H2AZ2: variants seen among roughly 807,000 people sequenced by gnomAD.
H2AZ2 encodes histone H2A.V.
In H2AZ2, 5 loss-of-function variants were observed where a neutral mutation model predicts 15.5. The ratio of observed to expected loss-of-function variants is 0.32; its 90% CI spans 0.17 to 0.68. The LOEUF (loss-of-function observed/expected upper bound fraction) is 0.68. Among genes scored for constraint, H2AZ2 ranks in the 30% least tolerant of loss-of-function variants. The pLI, the probability that H2AZ2 is intolerant of heterozygous loss-of-function variation, is 0.72. For synonymous variants in H2AZ2, 44 were observed against 57.4 expected (o/e 0.77, Z 1.05); for missense variants, 42 against 162.5 (o/e 0.26, Z 4.03).
rs1310824124 is a variant in H2AZ2, at chr7:44,832,872, C to T, written c.*1629G>A. Among the ~76,000 whole-genome samples, 1 of 152,056 alleles carries T rather than the reference C, an allele frequency of 6.6e-6. No individual in the cohort carries two copies. Among genetic ancestry groups the T allele is most frequent in the Non-Finnish European group, 1.5e-5 (1 of 68,018 alleles). ...GGCTGAGGTAAGAGGATTGCTTGGG[C>T]CTGAGAGGTGGAGGCTGCAGTGAGC... On this transcript the variant is annotated 3_prime_UTR_variant, in exon 5 of 5. Coordinates refer to ENST00000308153, the MANE Select transcript of H2AZ2 (RefSeq NM_012412.5).
At chr7:44,841,256 C>T (rs1462049371) in intron 2 of H2AZ2, among the ~76,000 whole-genome samples, 2 of 152,162 alleles carry the variant, frequency 1.3e-5, no homozygotes, top group Admixed American at 6.5e-5. Context: ...CCACGCTGGG[C>T]TGTCATCAAC....
chr7:44,842,237 T>C (rs1269727973), intron 2 of H2AZ2, among the ~76,000 whole-genome samples: 1 of 152,150 alleles, frequency 6.6e-6, no homozygotes, highest in Non-Finnish European at 1.5e-5. Context: ...TCCTCAGCCT[T>C]TTCTTAAAGT....
At position 44,835,510 on chromosome 7, in the gene H2AZ2, C is replaced by A. The variant is rs370195845; in HGVS notation, c.325+19G>T. 2.0e-5 allele frequency: 32 copies of A among 1,607,982 alleles called. No homozygotes were observed. The highest frequency in any genetic ancestry group is 2.6e-5 in the Non-Finnish European group (31 of 1,176,300). Reference sequence around the variant, plus strand: ...TCAGAAAGACCAATAAGAATCAAGGCTTAAGTAGTAATACATACCACCCCC... The same window carrying A: ...TCAGAAAGACCAATAAGAATCAAGGATTAAGTAGTAATACATACCACCCCC... On this transcript the variant is annotated intron_variant, in intron 4 of 4. Coordinates refer to ENST00000308153, the MANE Select transcript of H2AZ2 (RefSeq NM_012412.5).
chr7:44,836,599 C>T (rs946646096), intron 3 of H2AZ2, among the ~76,000 whole-genome samples: 2 of 152,038 alleles, frequency 1.3e-5, no homozygotes, highest in Non-Finnish European at 2.9e-5. Flanking sequence ...ATCACTGCAA[C>T]CACCACCTCC....
chr7:44,834,781 T>C (rs1793076902), intron 4 of H2AZ2: 3 of 326,646 alleles, frequency 9.2e-6, no homozygotes, highest in Non-Finnish European at 5.6e-6. Flanking sequence ...AGAGTAACCA[T>C]AGCTTTTTTT....
chr7:44,840,947 G>A lies in H2AZ2; in HGVS notation c.147C>T (p.Ala49=). 1 of 1,614,140 alleles carries A rather than the reference G, an allele frequency of 6.2e-7. No homozygotes were observed. The highest frequency in any genetic ancestry group is 8.5e-7 in the Non-Finnish European group (1 of 1,180,012). The part of the protein sequence containing the change: ...TRTTSHGRVG[A]TAAVYSAAIL... The stretch of plus-strand genomic sequence containing the variant: ...TCGCAGCACTGTACACGGCAGCAGT[G>A]GCACCCACCCTTCCATGGCTTGTGG... Residue 49 remains alanine (A), a synonymous_variant, in exon 3 of 5, where the codon GCC becomes GCT. Coordinates refer to ENST00000308153, the MANE Select transcript of H2AZ2 (RefSeq NM_012412.5).
In H2AZ2 at chr7:44,832,347, C is replaced by G. The variant is rs1036563686; in HGVS notation, c.*2154G>C. On this transcript the variant is annotated 3_prime_UTR_variant, in exon 5 of 5. Transcript: ENST00000308153. The stretch of plus-strand genomic sequence containing the variant: ...TTATATTTGAATGTCTCTGATCACA[C>G]AGACATGAAAATACTATGCCTGTTA... 6.6e-6 allele frequency among the ~76,000 whole-genome samples: 1 copy of G among 152,058 alleles called. No homozygotes were observed. The highest frequency in any genetic ancestry group is 2.4e-5 in the African/African-American group (1 of 41,394).
Position 44,833,311 on chromosome 7 carries a change from C to A in H2AZ2, c.*1190G>T, listed in dbSNP as rs910777617. On this transcript the variant is annotated 3_prime_UTR_variant, in exon 5 of 5. Transcript: ENST00000308153. ...GCAGTGGCGCCATCTTGGCTCACTG[C>A]AAGCTCCGCCTCCCGGGTTCACGTC... 6.6e-6 allele frequency among the ~76,000 whole-genome samples: 1 copy of A among 152,154 alleles called. No individual in the cohort carries two copies. Among genetic ancestry groups the A allele is most frequent in the Non-Finnish European group, 1.5e-5 (1 of 68,032 alleles).
chr7:44,831,530 T>TC (rs368361059), downstream of H2AZ2, among the ~76,000 whole-genome samples: 2,556 of 148,516 alleles, frequency 0.017, 31 homozygotes, highest in Non-Finnish European at 0.023. Flanking sequence ...TATATTGCAC[T>TC]CCCCCCCCCG....
downstream of H2AZ2, chr7:44,827,759 T>C (rs1017695889): frequency 6.6e-6 from 1 of 151,942 alleles, no homozygotes; most frequent in Non-Finnish European, 1.5e-5. Flanking sequence ...ATTTAGGGAG[T>C]TGACCCCTTT....
chr7:44,827,398 G>A (rs1792940347), downstream of H2AZ2: 1 of 152,154 alleles, frequency 6.6e-6, no homozygotes, highest in Non-Finnish European at 1.5e-5. Flanking sequence ...AGGAATAAAG[G>A]ACTCCTCGTG....
At chr7:44,840,817 TCAAA>T in intron 3 of H2AZ2, 78 bp downstream of exon 3, 1 of 897,158 alleles carries the variant, frequency 1.1e-6, no homozygotes, top group Admixed American at 2.6e-5. Context: ...ATGTCTTTTT[TCAAA>T]TATATTCCAT....
intron 4 of H2AZ2, 39 bp downstream of exon 4, chr7:44,835,490 A>G (rs1316444555): frequency 6.4e-7 from 1 of 1,573,054 alleles, no homozygotes; most frequent in Admixed American, 1.7e-5. Context: ...ATTAGTCAGA[A>G]AGACCAATAA....
In H2AZ2 at chr7:44,833,747, G is replaced by T; in HGVS notation, c.*754C>A. 1 of 931,386 alleles carries T rather than the reference G, an allele frequency of 1.1e-6. No homozygotes were observed. Among genetic ancestry groups the T allele is most frequent in the Non-Finnish European group, 1.3e-6 (1 of 780,598 alleles). 57.7% of individuals were successfully genotyped at this position (931,386 alleles called of 1,614,324 possible). On this transcript the variant is annotated 3_prime_UTR_variant, in exon 5 of 5. Coordinates refer to ENST00000308153, the MANE Select transcript of H2AZ2 (RefSeq NM_012412.5). ...TCTGGAGTCAGCCAGATCTAGGTTTGAATCCTAGCTCTGTCATTTTCTATC... is the reference window on the plus strand; with the variant it reads ...TCTGGAGTCAGCCAGATCTAGGTTTTAATCCTAGCTCTGTCATTTTCTATC...
At chr7:44,830,327 G>A (rs1792982675), downstream of H2AZ2, among the ~76,000 whole-genome samples, 1 of 152,086 alleles carries the variant, frequency 6.6e-6, no homozygotes, top group Non-Finnish European at 1.5e-5. Flanking sequence ...GAACTTTTTT[G>A]CATGTTTGAA....
At position 44,835,566 on chromosome 7, in the gene H2AZ2, C is replaced by T. The variant is rs372593032; in HGVS notation, c.288G>A (p.Glu96=). The T allele has an allele frequency of 6.2e-7, 1 of 1,613,822 alleles. No individual in the cohort carries two copies. Among genetic ancestry groups the T allele is most frequent in the African/African-American group, 1.3e-5 (1 of 74,902 alleles). ...HLQLAIRGDE[E]LDSLIKATIA... is the part of the protein sequence containing the mutation. ...TGGTAGCCTTGATAAGAGAATCCAA[C>T]TCTTCATCACCACGGATTGCAAGCT... is the stretch of plus-strand genomic sequence containing the variant. Residue 96 remains glutamate (E), a synonymous_variant, in exon 4 of 5, where the codon GAG becomes GAA. Coordinates refer to ENST00000308153, the MANE Select transcript of H2AZ2 (RefSeq NM_012412.5).
At position 44,843,267 on chromosome 7, in the gene H2AZ2, G is replaced by A. The variant is rs762900591; in HGVS notation, c.81+10C>T. ...AAAATAATAATGTAATGACAGCATG[G>A]ATTCATTACCTGTAGCCCAGCTCTC... On this transcript the variant is annotated intron_variant, in intron 2 of 4. Transcript: ENST00000308153. 18 of 1,562,230 alleles carry A rather than the reference G, an allele frequency of 1.2e-5. No individual in the cohort carries two copies. The Admixed American group carries it at 1.5e-4, about 13-fold the overall frequency.
At chr7:44,847,202 T>C (rs763346622) in intron 1 of H2AZ2, among the ~76,000 whole-genome samples, 1 of 152,214 alleles carries the variant, frequency 6.6e-6, no homozygotes, top group Non-Finnish European at 1.5e-5. Context: ...ACTCAGAGCG[T>C]ATCCTTTAGC....
chr7:44,838,095 T>C (rs1270858390), intron 3 of H2AZ2, among the ~76,000 whole-genome samples: 1 of 151,810 alleles, frequency 6.6e-6, no homozygotes, highest in South Asian at 2.1e-4. Flanking sequence ...CTCAGCCTCC[T>C]GAGTAGCTGG....
Sources: allele counts gnomAD v4.1 joint callset (sites outside exome capture counted in the v4.1 genomes callset), GRCh38; gene constraint gnomAD v4.1.1; transcripts MANE v1.5; gene names NCBI Gene and HGNC (gene_info 2026-07-23, HGNC 2026-07-21).